Variants in PARD3B observed in about 807,000 individuals in gnomAD.
PARD3B encodes par-3 family cell polarity regulator beta, also known as partitioning defective 3 homolog B.
A neutral mutation model predicts 130.2 loss-of-function variants in PARD3B; 103 were observed. The ratio of observed to expected loss-of-function variants is 0.79; its 90% CI spans 0.67 to 0.93. The LOEUF (loss-of-function observed/expected upper bound fraction) is 0.93, where lower values mean the gene tolerates loss of function less well. Among genes scored for constraint, PARD3B ranks in the 40% least tolerant of loss-of-function variants. The pLI, the probability that PARD3B is intolerant of heterozygous loss-of-function variation, is 0.00. For missense variants in PARD3B, 1,609 were observed against 1,499.2 expected, an observed-to-expected ratio of 1.07 and a Z score of -1.21; for synonymous variants, 583 against 553.2, an observed-to-expected ratio of 1.05 and a Z score of -0.76.
At chr2:205,389,642 C>T (rs542083480) in intron 18 of PARD3B, among the ~76,000 whole-genome samples, 4 of 152,204 alleles carry the variant, frequency 2.6e-5, no homozygotes, top group African/African-American at 9.7e-5. Context: ...CTGCGCCCGG[C>T]CTGTTATTTA....
At position 205,440,515 on chromosome 2, in the gene PARD3B, T is replaced by C; in HGVS notation, c.2887T>C (p.Cys963Arg). 1 of 1,614,100 alleles carries C rather than the reference T, an allele frequency of 6.2e-7. No homozygotes were observed. The highest frequency in any genetic ancestry group is 8.5e-7 in the Non-Finnish European group (1 of 1,179,994). The part of the protein sequence containing the change: ...YARVNHFREP[C>R]TSANVFRSPS... The stretch of plus-strand genomic sequence containing the variant: ...CAGAGTGAACCACTTTCGGGAACCA[T>C]GCACATCAGCAAATGTCTTTAGATC... Residue 963 changes from cysteine (C) to arginine (R), a missense_variant, in exon 20 of 23, where the codon TGC (cysteine) becomes CGC (arginine). Transcript: ENST00000406610. This position sits in a 1 kb window ranked among gnomAD's most constrained non-coding sequence, Gnocchi z 4.2.
In PARD3B at chr2:205,407,411, A is replaced by C. The variant is rs2046448166; in HGVS notation, c.2741+6288A>C. Among the ~76,000 whole-genome samples, 1 of 152,224 alleles carries C rather than the reference A, an allele frequency of 6.6e-6. No individual in the cohort carries two copies. Among genetic ancestry groups the C allele is most frequent in the East Asian group, 1.9e-4 (1 of 5,204 alleles). Reference sequence around the variant, plus strand: ...TTATATTCAAAGATGATTTCTTCCAACATTTTTCAAACTAAATTAAATTAG... The same window carrying C: ...TTATATTCAAAGATGATTTCTTCCACCATTTTTCAAACTAAATTAAATTAG... On this transcript the variant is annotated intron_variant, in intron 19 of 22. Transcript: ENST00000406610. The surrounding 1 kb of genome is among the most constrained non-coding windows in gnomAD (Gnocchi z 4.1).
Position 205,061,884 on chromosome 2 carries a change from A to G in PARD3B, c.504+14194A>G, listed in dbSNP as rs114233327. ...ACCCAGCCCTGGCTTTCTTCTCTTG[A>G]TATGAAATGTTGTCTTCCTTATAAT... On this transcript the variant is annotated intron_variant, in intron 4 of 22. Coordinates refer to ENST00000406610, the MANE Select transcript of PARD3B (RefSeq NM_001302769.2). Among the ~76,000 whole-genome samples the G allele has an allele frequency of 8.6e-3, 1,302 of 151,998 alleles. 11 individuals are homozygous for G. Among genetic ancestry groups the G allele is most frequent in the African/African-American group, 0.029 (1,185 of 41,484 alleles).
chr2:204,929,085 C>G (rs1049541453), intron 2 of PARD3B, among the ~76,000 whole-genome samples: 3 of 151,582 alleles, frequency 2.0e-5, no homozygotes, highest in Non-Finnish European at 4.4e-5. Flanking sequence ...AGTTGGTTTT[C>G]TTAACCAGAA....
chr2:204,782,352 A>G (rs190094863), intron 2 of PARD3B, among the ~76,000 whole-genome samples: 107 of 147,108 alleles, frequency 7.3e-4, no homozygotes, highest in Admixed American at 2.1e-3. Flanking sequence ...TGTGTTGTAT[A>G]TGTTATATAA....
chr2:205,052,890 A>G (rs537904052), intron 4 of PARD3B, among the ~76,000 whole-genome samples: 1 of 152,196 alleles, frequency 6.6e-6, no homozygotes, highest in African/African-American at 2.4e-5. Flanking sequence ...ATTATTAGCA[A>G]CTCTAAGATT....
intron 1 of PARD3B, among the ~76,000 whole-genome samples, chr2:204,561,306 T>C (rs1340268718): frequency 6.6e-6 from 1 of 152,220 alleles, no homozygotes; most frequent in Non-Finnish European, 1.5e-5. Context: ...TTAATGAAAG[T>C]ATAAATTGAT....
intron 2 of PARD3B, among the ~76,000 whole-genome samples, chr2:204,748,919 A>C (rs1242635408): frequency 6.6e-6 from 1 of 152,152 alleles, no homozygotes; most frequent in Non-Finnish European, 1.5e-5. Context: ...ATAGAATTTC[A>C]GTTTGTTGAG....
intron 2 of PARD3B, among the ~76,000 whole-genome samples, chr2:204,885,903 C>T (rs762778143): frequency 2.6e-5 from 4 of 152,212 alleles, no homozygotes; most frequent in South Asian, 2.1e-4. Context: ...CTCCTCCAAC[C>T]GCCTGAGAAG....
rs2125035772 is a variant in PARD3B at position 204,545,709 on chromosome 2, G to T, written c.-291G>T. The T allele has an allele frequency of 1.1e-5, 3 of 268,586 alleles. No homozygotes were observed. Among genetic ancestry groups the T allele is most frequent in the South Asian group, 1.4e-4 (2 of 14,168 alleles). The allele number at this position is 268,586 out of a possible 1,614,324, so 16.6% of individuals were successfully genotyped here. A position where few individuals can be genotyped will look rare whatever the true frequency, so the allele number is the denominator to read the frequency against. On this transcript the variant is annotated 5_prime_UTR_variant, in exon 1 of 23. Coordinates refer to ENST00000406610, the MANE Select transcript of PARD3B (RefSeq NM_001302769.2). The stretch of plus-strand genomic sequence containing the variant: ...AGCCGCCTGGGCCGGGCAGGAGTAG[G>T]AGCGGGAGGAGGAGGAGGAGGAGCC...
intron 1 of PARD3B, among the ~76,000 whole-genome samples, chr2:204,568,728 A>C (rs574179599): frequency 6.6e-6 from 1 of 152,146 alleles, no homozygotes; most frequent in East Asian, 1.9e-4. Context: ...GCCCAGGTGG[A>C]TGGATCACTT....
chr2:204,759,478 G>T lies in PARD3B; in HGVS notation c.222+73196G>T, dbSNP rs41454345. Among the ~76,000 whole-genome samples the T allele has an allele frequency of 8.3e-3, 1,265 of 152,058 alleles. 10 individuals carry two copies. The highest frequency in any genetic ancestry group is 0.028 in the African/African-American group (1,146 of 41,496). On this transcript the variant is annotated intron_variant, in intron 2 of 22. Transcript: ENST00000406610. ...GCAGTGTTTTTAAGCATAATGTATT[G>T]TTTTGAACCTTTAAAATTATTTGAT...
intron 16 of PARD3B, among the ~76,000 whole-genome samples, chr2:205,273,691 CTCTA>C (rs1162608919): frequency 2.0e-5 from 3 of 152,190 alleles, no homozygotes; most frequent in African/African-American, 7.2e-5. Context: ...ATGGAAGACA[CTCTA>C]TTTGTTTATT....
At position 204,997,902 on chromosome 2, in the gene PARD3B, G is replaced by A. The variant is rs868863435; in HGVS notation, c.394+32579G>A. On this transcript the variant is annotated intron_variant, in intron 3 of 22. Coordinates refer to ENST00000406610, the MANE Select transcript of PARD3B (RefSeq NM_001302769.2). ...AATATTATAAAATATTTACAGTAAT[G>A]TAGATATTTATTATTTATATACTTA... Among the ~76,000 whole-genome samples the A allele has an allele frequency of 9.5e-4, 142 of 148,770 alleles. No homozygotes were observed. The Middle Eastern group carries it at 0.018, about 19-fold the overall frequency.
chr2:205,277,625 G>T (rs1046211250), intron 16 of PARD3B, among the ~76,000 whole-genome samples: 11 of 152,164 alleles, frequency 7.2e-5, no homozygotes, highest in African/African-American at 2.7e-4. Flanking sequence ...AAGAGAGACG[G>T]CAGATGCAGA....
intron 15 of PARD3B, among the ~76,000 whole-genome samples, chr2:205,228,141 A>G (rs1469883056): frequency 6.6e-6 from 1 of 152,176 alleles, no homozygotes; most frequent in Non-Finnish European, 1.5e-5. Context: ...TTTACATGGC[A>G]CAATTACAAT....
At chr2:204,921,389 C>T (rs1054648668) in intron 2 of PARD3B, among the ~76,000 whole-genome samples, 1 of 152,046 alleles carries the variant, frequency 6.6e-6, no homozygotes, top group Non-Finnish European at 1.5e-5. Context: ...TAGATGAGGT[C>T]ACAAACAATA....
At chr2:205,254,277 G>A (rs150131270) in intron 16 of PARD3B, among the ~76,000 whole-genome samples, 21 of 151,822 alleles carry the variant, frequency 1.4e-4, no homozygotes, top group East Asian at 1.2e-3. Context: ...CAGCTAAATC[G>A]TAGCCGACAC....
chr2:204,684,259 T>G (rs1280329611), intron 1 of PARD3B, among the ~76,000 whole-genome samples: 1 of 152,174 alleles, frequency 6.6e-6, no homozygotes, highest in African/African-American at 2.4e-5. Context: ...AGATGCCTGC[T>G]TTTAAGTACA....
Sources: allele counts gnomAD v4.1 joint callset (sites outside exome capture counted in the v4.1 genomes callset), GRCh38; gene constraint gnomAD v4.1.1; non-coding constraint Gnocchi (gnomAD v3.1); transcripts MANE v1.5; gene names NCBI Gene and HGNC (gene_info 2026-07-23, HGNC 2026-07-21).